PTPRN2: variants seen among roughly 807,000 people sequenced by gnomAD.
PTPRN2 encodes receptor-type tyrosine-protein phosphatase N2.
In PTPRN2, 74 loss-of-function variants were observed where a neutral mutation model predicts 118.8. That is an observed-to-expected ratio of 0.62 (90% CI 0.52 to 0.76). The LOEUF (loss-of-function observed/expected upper bound fraction) is 0.76, where lower values mean the gene tolerates loss of function less well. Ranked by LOEUF, PTPRN2 falls within the 30% of genes least tolerant of loss-of-function variation. PTPRN2 has a pLI of 0.00. For missense variants in PTPRN2, 1,481 were observed against 1,394.4 expected (o/e 1.06, Z -0.99); for synonymous variants, 641 against 608.0 (o/e 1.05, Z -0.80).
intron 12 of PTPRN2, among the ~76,000 whole-genome samples, chr7:157,847,445 A>C (rs1263852130): frequency 6.6e-6 from 1 of 150,400 alleles, no homozygotes; most frequent in African/African-American, 2.5e-5. Context: ...CCTGATGTCT[A>C]CAAAGCCCTC....
chr7:157,900,299 T>A (rs997907580), intron 11 of PTPRN2, among the ~76,000 whole-genome samples: 1 of 152,234 alleles, frequency 6.6e-6, no homozygotes. Flanking sequence ...TGGATGGTCA[T>A]GGCTGTGTTC....
At position 158,563,152 on chromosome 7, in the gene PTPRN2, G is replaced by T. The variant is rs2129451034; in HGVS notation, c.112+24406C>A. 6.6e-6 allele frequency among the ~76,000 whole-genome samples: 1 copy of T among 152,248 alleles called. No homozygotes were observed. Among genetic ancestry groups the T allele is most frequent in the East Asian group, 1.9e-4 (1 of 5,180 alleles). Reference sequence around the variant, plus strand: ...GGTGCAGTGCCACCGAAGAAGAGAGGTCCTACCTGAAACCTCACAGGGAAA... The same window carrying T: ...GGTGCAGTGCCACCGAAGAAGAGAGTTCCTACCTGAAACCTCACAGGGAAA... On this transcript the variant is annotated intron_variant, in intron 1 of 22. Transcript: ENST00000389418. The surrounding 1 kb of genome is among the most constrained non-coding windows in gnomAD (Gnocchi z 5.1).
At chr7:158,124,901 G>A (rs1240818396) in intron 9 of PTPRN2, among the ~76,000 whole-genome samples, 2 of 152,250 alleles carry the variant, frequency 1.3e-5, no homozygotes, top group African/African-American at 2.4e-5. Flanking sequence ...CAACGTGCAC[G>A]GCGGGTGAGA....
intron 1 of PTPRN2, among the ~76,000 whole-genome samples, chr7:158,583,312 T>C (rs1828732156): frequency 6.6e-6 from 1 of 152,208 alleles, no homozygotes; most frequent in South Asian, 2.1e-4. Flanking sequence ...TTGTCCCGTG[T>C]ACCCTGTGTC....
At position 157,977,570 on chromosome 7, in the gene PTPRN2, G is replaced by A. The variant is rs935333384; in HGVS notation, c.1724-78833C>T. 1.3e-5 allele frequency among the ~76,000 whole-genome samples: 2 copies of A among 151,274 alleles called. 1 individual carries two copies. The highest frequency in any genetic ancestry group is 2.9e-5 in the Non-Finnish European group (2 of 67,896). On this transcript the variant is annotated intron_variant, in intron 11 of 22. Coordinates refer to ENST00000389418, the MANE Select transcript of PTPRN2 (RefSeq NM_002847.5). This position sits in a 1 kb window ranked among gnomAD's most constrained non-coding sequence, Gnocchi z 4.6. ...CATGGAGTAGTGTACAAGGCCCCAGGTGGGATGACGTGAGAAGGCCCCAGG... is the reference window on the plus strand; with the variant it reads ...CATGGAGTAGTGTACAAGGCCCCAGATGGGATGACGTGAGAAGGCCCCAGG...
chr7:158,333,709 G>C (rs1329748413), intron 2 of PTPRN2, among the ~76,000 whole-genome samples: 1 of 149,074 alleles, frequency 6.7e-6, no homozygotes, highest in Non-Finnish European at 1.5e-5. Flanking sequence ...CACCATAAGA[G>C]CTGAGGCCCA....
At chr7:157,695,908 C>T (rs1453774864) in intron 12 of PTPRN2, among the ~76,000 whole-genome samples, 1 of 151,736 alleles carries the variant, frequency 6.6e-6, no homozygotes, top group Non-Finnish European at 1.5e-5. Flanking sequence ...CTTGGCAGAG[C>T]CCTCACCATC....
At chr7:158,431,712 C>T (rs986050558) in intron 2 of PTPRN2, among the ~76,000 whole-genome samples, 135 of 149,016 alleles carry the variant, frequency 9.1e-4, no homozygotes, top group African/African-American at 3.1e-3. Flanking sequence ...ACACTGGGCA[C>T]ATACTGGCTC....
At chr7:158,106,001 C>T (rs1006312039) in intron 10 of PTPRN2, among the ~76,000 whole-genome samples, 3 of 152,048 alleles carry the variant, frequency 2.0e-5, no homozygotes, top group African/African-American at 7.2e-5. Flanking sequence ...TCCAGCTCCA[C>T]TGAATTCCAT....
chr7:157,834,930 C>G (rs1298516751), intron 12 of PTPRN2, among the ~76,000 whole-genome samples: 1 of 152,214 alleles, frequency 6.6e-6, no homozygotes, highest in African/African-American at 2.4e-5. Flanking sequence ...CCGCCTACTC[C>G]CCGAGCCACA....
intron 12 of PTPRN2, chr7:157,865,398 T>C (rs1240430377): frequency 6.6e-6 from 1 of 152,164 alleles, no homozygotes; most frequent in Non-Finnish European, 1.5e-5. Context: ...TAGTCAGGGG[T>C]CCTGGAGGTG....
chr7:157,833,717 C>G (rs1338539096), intron 12 of PTPRN2, among the ~76,000 whole-genome samples: 2 of 152,218 alleles, frequency 1.3e-5, no homozygotes, highest in South Asian at 2.1e-4. Context: ...GGAGATGCAG[C>G]CGTTAGTATG....
rs957662099 is a variant in PTPRN2 at position 157,861,601 on chromosome 7, A to G, written c.1788+37072T>C. Among the ~76,000 whole-genome samples the G allele has an allele frequency of 6.6e-6, 1 of 152,154 alleles. No individual in the cohort carries two copies. Among genetic ancestry groups the G allele is most frequent in the African/African-American group, 2.4e-5 (1 of 41,440 alleles). ...TGAGGCTTTTGGGGCTGCCAGAACAAAGGACTCCAGACGGATGGGCTTGAA... is the reference window on the plus strand; with the variant it reads ...TGAGGCTTTTGGGGCTGCCAGAACAGAGGACTCCAGACGGATGGGCTTGAA... On this transcript the variant is annotated intron_variant, in intron 12 of 22. Coordinates refer to ENST00000389418, the MANE Select transcript of PTPRN2 (RefSeq NM_002847.5). The surrounding 1 kb of genome is among the most constrained non-coding windows in gnomAD (Gnocchi z 5.8).
rs1420485486 is a variant in PTPRN2, at chr7:157,875,315, G to A, written c.1788+23358C>T. 2.6e-5 allele frequency among the ~76,000 whole-genome samples: 4 copies of A among 152,202 alleles called. No individual in the cohort carries two copies. In the East Asian group the frequency reaches 5.8e-4, roughly 22 times the overall value. On this transcript the variant is annotated intron_variant, in intron 12 of 22. Coordinates refer to ENST00000389418, the MANE Select transcript of PTPRN2 (RefSeq NM_002847.5). ...AAGCTGGGGAGTTTCCAGGCGTTCC[G>A]TGAGAGCCGAGGGAGCGCGTGAGGG... is the stretch of plus-strand genomic sequence containing the variant.
Position 157,794,299 on chromosome 7 carries a change from G to A in PTPRN2, c.1788+104374C>T, listed in dbSNP as rs1373786527. On this transcript the variant is annotated intron_variant, in intron 12 of 22. Transcript: ENST00000389418. This position sits in a 1 kb window ranked among gnomAD's most constrained non-coding sequence, Gnocchi z 5.2. ...CCGACCCGGGCTCACACCTCCCCTCGTTCTCTGCTCTGACCCGGGCTCACA... is the reference window on the plus strand; with the variant it reads ...CCGACCCGGGCTCACACCTCCCCTCATTCTCTGCTCTGACCCGGGCTCACA... 1.4e-5 allele frequency among the ~76,000 whole-genome samples: 2 copies of A among 147,032 alleles called. No individual in the cohort carries two copies. The highest frequency in any genetic ancestry group is 6.8e-5 in the Admixed American group (1 of 14,606).
At chr7:157,553,569 A>G (rs1798739697) in intron 21 of PTPRN2, among the ~76,000 whole-genome samples, 1 of 152,164 alleles carries the variant, frequency 6.6e-6, no homozygotes, top group African/African-American at 2.4e-5. Flanking sequence ...AGGAAAAGTG[A>G]AAAAAGGGAA....
intron 12 of PTPRN2, among the ~76,000 whole-genome samples, chr7:157,757,640 C>T (rs917681833): frequency 6.6e-6 from 1 of 150,424 alleles, no homozygotes; most frequent in African/African-American, 2.5e-5. Context: ...ACCTGTTGTT[C>T]GACTGGTATG....
At chr7:157,705,424 T>G (rs1442855522) in intron 12 of PTPRN2, among the ~76,000 whole-genome samples, 5 of 152,208 alleles carry the variant, frequency 3.3e-5, no homozygotes, top group African/African-American at 1.2e-4. Flanking sequence ...ATGAATTGAG[T>G]GAATCTGACG....
chr7:158,410,456 CT>C (rs1253706619), intron 2 of PTPRN2, among the ~76,000 whole-genome samples: 1 of 152,158 alleles, frequency 6.6e-6, no homozygotes, highest in Non-Finnish European at 1.5e-5. Flanking sequence ...TGTGAGCCCA[CT>C]TCCAGCTCCA....
Sources: allele counts gnomAD v4.1 joint callset (sites outside exome capture counted in the v4.1 genomes callset), GRCh38; gene constraint gnomAD v4.1.1; non-coding constraint Gnocchi (gnomAD v3.1); transcripts MANE v1.5; gene names NCBI Gene and HGNC (gene_info 2026-07-23, HGNC 2026-07-21).